Variants in RAB27A observed in about 807,000 individuals in gnomAD.
RAB27A encodes the protein RAB27A, member RAS oncogene family.
A neutral mutation model predicts 20.8 loss-of-function variants in RAB27A; 17 were observed. The observed-to-expected ratio is 0.82, with a 90% CI of 0.56 to 1.23. The LOEUF is 1.23. Ranked by LOEUF, RAB27A falls within the 50% of genes most tolerant of loss-of-function variation. The probability of loss-of-function intolerance (pLI) is 0.00; values close to 1 mark genes in which losing one functional copy is unlikely to be tolerated. For synonymous variants in RAB27A, 85 were observed against 92.8 expected, an observed-to-expected ratio of 0.92 and a Z score of 0.48; for missense variants, 277 against 266.7, an observed-to-expected ratio of 1.04 and a Z score of -0.27.
At chr15:55,298,729 C>T (rs1440820000) in intron 2 of RAB27A, among the ~76,000 whole-genome samples, 1 of 152,154 alleles carries the variant, frequency 6.6e-6, no homozygotes, top group Non-Finnish European at 1.5e-5. Flanking sequence ...CTACAGTCTA[C>T]AGGCCATAAA....
At position 55,207,031 on chromosome 15, in the gene RAB27A, T is replaced by C. The variant is rs188655513; in HGVS notation, c.468-1326A>G. Reference sequence around the variant, plus strand: ...ATATGCACGGGAAATTCTAAGAAATTACATTTGTGAAAAAATGTTCAACCT... The same window carrying C: ...ATATGCACGGGAAATTCTAAGAAATCACATTTGTGAAAAAATGTTCAACCT... On this transcript the variant is annotated intron_variant, in intron 6 of 6. Transcript: ENST00000336787. Among the ~76,000 whole-genome samples the C allele has an allele frequency of 2.1e-3, 319 of 152,290 alleles. 1 individual carries two copies. Among genetic ancestry groups the C allele is most frequent in the Non-Finnish European group, 3.9e-3 (263 of 68,020 alleles).
chr15:55,295,899 C>CTT (rs762977591), intron 2 of RAB27A, among the ~76,000 whole-genome samples: 6 of 139,310 alleles, frequency 4.3e-5, no homozygotes, highest in African/African-American at 1.1e-4. Flanking sequence ...AGAACCAATA[C>CTT]TTTTTTTTTT....
chr15:55,245,417 G>A (rs1426760832), intron 2 of RAB27A, among the ~76,000 whole-genome samples: 2 of 152,180 alleles, frequency 1.3e-5, no homozygotes, highest in Non-Finnish European at 2.9e-5. Context: ...TTGAAAAGTA[G>A]AAGGAAACAG....
chr15:55,313,608 T>C (rs1444260314), intron 2 of RAB27A, among the ~76,000 whole-genome samples: 5 of 152,240 alleles, frequency 3.3e-5, no homozygotes, highest in Non-Finnish European at 2.9e-5. Context: ...GCGCAGTGGC[T>C]CACGCTTGTA....
chr15:55,251,677 T>TAA (rs1395128857), intron 2 of RAB27A, among the ~76,000 whole-genome samples: 3 of 152,304 alleles, frequency 2.0e-5, no homozygotes, highest in Admixed American at 6.5e-5. Context: ...TATTATTTTG[T>TAA]GCTGTATCAG....
Position 55,306,824 on chromosome 15 carries a change from G to C in RAB27A, c.-112+7215C>G, listed in dbSNP as rs557554441. 9.5e-4 allele frequency among the ~76,000 whole-genome samples: 144 copies of C among 152,312 alleles called. 3 individuals carry two copies. Among genetic ancestry groups the C allele is most frequent in the Admixed American group, 6.5e-4 (10 of 15,308 alleles). ...CCTACAGTGGCATGGAGAGGGTGCA[G>C]TGAGACTGAAAGGTGGTGAGAGAAC... On this transcript the variant is annotated intron_variant, in intron 2 of 5. Coordinates refer to the RAB27A transcript ENST00000563262.
chr15:55,301,827 G>C (rs2054973476), intron 2 of RAB27A, among the ~76,000 whole-genome samples: 1 of 151,790 alleles, frequency 6.6e-6, no homozygotes, highest in Non-Finnish European at 1.5e-5. Context: ...TGTATTTTCA[G>C]TAGAGATAGG....
intron 5 of RAB27A, among the ~76,000 whole-genome samples, chr15:55,224,299 G>GCA (rs959704468): frequency 1.3e-5 from 2 of 151,946 alleles, no homozygotes; most frequent in Non-Finnish European, 2.9e-5. Context: ...GCACACATAT[G>GCA]CACACACACA....
At chr15:55,274,794 T>TTATGTATATATATATA (rs1555399453) in intron 1 of RAB27A, among the ~76,000 whole-genome samples, 2 of 52,172 alleles carry the variant, frequency 3.8e-5, no homozygotes, top group African/African-American at 5.8e-5. Flanking sequence ...AATAAATAAA[T>TTATGTATATATATATA]TATATATATA....
In RAB27A at chr15:55,205,206, C is replaced by T. The variant is rs1243519995; in HGVS notation, c.*301G>A. 4.8e-6 allele frequency: 2 copies of T among 419,134 alleles called. No homozygotes were observed. Among genetic ancestry groups the T allele is most frequent in the Admixed American group, 3.7e-5 (1 of 27,248 alleles). The allele number at this position is 419,134 out of a possible 1,614,324, so 26.0% of individuals were successfully genotyped here. On this transcript the variant is annotated 3_prime_UTR_variant, in exon 7 of 7. Coordinates refer to ENST00000336787, the MANE Select transcript of RAB27A (RefSeq NM_183235.3). ...CCTCATTCATTCTACATAATAAATA[C>T]ACTCTTCTGTGACTGCAAAATTCTG...
At chr15:55,220,307 G>A (rs1356931723) in intron 6 of RAB27A, among the ~76,000 whole-genome samples, 3 of 151,992 alleles carry the variant, frequency 2.0e-5, no homozygotes, top group Non-Finnish European at 4.4e-5. Context: ...TGCTCTTGTT[G>A]CCCAGGCTGG....
intron 3 of RAB27A, 58 bp downstream of exon 3, chr15:55,234,724 A>G (rs754308252): frequency 2.2e-4 from 333 of 1,535,822 alleles, no homozygotes; most frequent in Non-Finnish European, 2.9e-4. Flanking sequence ...TAAACTAAAC[A>G]GACCAGCAAA....
chr15:55,223,907 G>C lies in RAB27A; in HGVS notation c.449C>G (p.Ala150Gly). Residue 150 changes from alanine (A) to glycine (G), a missense_variant, in exon 6 of 7, where the codon GCA (alanine) becomes GGA (glycine). Transcript: ENST00000336787. Reference protein sequence around the residue: ...QRVVKEEEAIALAEKYGIPYF... With the variant: ...QRVVKEEEAIGLAEKYGIPYF... ...TACTCACCCATATTTCTCTGCGAGT[G>C]CTATGGCTTCCTCCTCTTTCACTAC... is the stretch of plus-strand genomic sequence containing the variant. 1 of 1,613,724 alleles carries C rather than the reference G, an allele frequency of 6.2e-7. No homozygotes were observed. The highest frequency in any genetic ancestry group is 8.5e-7 in the Non-Finnish European group (1 of 1,179,864).
intron 2 of RAB27A, among the ~76,000 whole-genome samples, chr15:55,264,247 C>T (rs1167577317): frequency 1.3e-5 from 2 of 152,134 alleles, no homozygotes; most frequent in Admixed American, 6.5e-5. Flanking sequence ...GACAGGGTTT[C>T]GCCATGTTGC....
chr15:55,235,277 A>G (rs886992928), intron 2 of RAB27A, among the ~76,000 whole-genome samples: 1 of 151,890 alleles, frequency 6.6e-6, no homozygotes, highest in African/African-American at 2.4e-5. Flanking sequence ...GAGAAACCCC[A>G]TCTCTACTGA....
chr15:55,250,164 A>G (rs1419635540), intron 2 of RAB27A, among the ~76,000 whole-genome samples: 2 of 151,852 alleles, frequency 1.3e-5, no homozygotes, highest in Non-Finnish European at 2.9e-5. Context: ...GCGTTTCACT[A>G]TGTTGGCCAG....
intron 5 of RAB27A, among the ~76,000 whole-genome samples, chr15:55,224,258 C>T (rs532726742): frequency 1.3e-5 from 2 of 152,348 alleles, no homozygotes; most frequent in South Asian, 4.1e-4. Context: ...AATGTGCTAC[C>T]TCTCAAGTGT....
intron 6 of RAB27A, among the ~76,000 whole-genome samples, chr15:55,213,532 C>T (rs545629706): frequency 5.3e-5 from 8 of 152,208 alleles, no homozygotes; most frequent in South Asian, 2.1e-4. Context: ...GGCCACACAA[C>T]AGGAGGTAAG....
chr15:55,228,049 G>A (rs901456653), intron 5 of RAB27A, among the ~76,000 whole-genome samples: 34 of 152,254 alleles, frequency 2.2e-4, no homozygotes, highest in African/African-American at 7.5e-4. Context: ...GACATATATT[G>A]CACTGGTGAC....
Sources: allele counts gnomAD v4.1 joint callset (sites outside exome capture counted in the v4.1 genomes callset), GRCh38; gene constraint gnomAD v4.1.1; transcripts MANE v1.5; gene names NCBI Gene and HGNC (gene_info 2026-07-23, HGNC 2026-07-21).